The following CEP290 variants were observed in gnomAD, a reference collection of about 807,000 sequenced individuals.
CEP290 encodes centrosomal protein 290.
Under a neutral mutation model 344.9 loss-of-function variants are expected in CEP290, and 317 were observed. The observed-to-expected ratio is 0.92, with a 90% CI of 0.84 to 1.01. The LOEUF (loss-of-function observed/expected upper bound fraction) is 1.01, where lower values mean the gene tolerates loss of function less well. Ranked by LOEUF, CEP290 falls within the 50% of genes least tolerant of loss-of-function variation. The probability of loss-of-function intolerance (pLI) is 0.00; values close to 1 mark genes in which losing one functional copy is unlikely to be tolerated. For synonymous variants in CEP290, 932 were observed against 895.8 expected, an observed-to-expected ratio of 1.04 and a Z score of -0.72; for missense variants, 2,754 against 2,761.4, an observed-to-expected ratio of 1.00 and a Z score of 0.06.
rs2137104806 is a variant in CEP290 at position 88,080,308 on chromosome 12, C to T, written c.5100G>A (p.Glu1700=). 2.5e-6 allele frequency: 4 copies of T among 1,613,702 alleles called. No homozygotes were observed. The highest frequency in any genetic ancestry group is 3.4e-6 in the Non-Finnish European group (4 of 1,179,686). Residue 1700 remains glutamate (E), a synonymous_variant, in exon 38 of 54, where the codon GAG becomes GAA. Coordinates refer to ENST00000552810, the MANE Select transcript of CEP290 (RefSeq NM_025114.4). Reference sequence around the variant, plus strand: ...GAAGTTCAGATTTTAAACACTGTGACTCCTTTTGTGACTGGTCCAGAAGAT... The same window carrying T: ...GAAGTTCAGATTTTAAACACTGTGATTCCTTTTGTGACTGGTCCAGAAGAT... ...LKYLLDQSQK[E]SQCLKSELQA... is the part of the protein sequence containing the mutation.
Position 88,129,742 on chromosome 12 carries a change from A to G in CEP290, c.804T>C (p.Asp268=). ...NRMKAIVHQT[D]NVIDQLKKEN... is the part of the protein sequence containing the mutation. Reference sequence around the variant, plus strand: ...CTTTTTTTAACTGATCTATTACATTATCTGTCTGATGCACAATAGCTTTCA... The same window carrying G: ...CTTTTTTTAACTGATCTATTACATTGTCTGTCTGATGCACAATAGCTTTCA... The change falls in exon 10 of 54, where the codon GAT becomes GAC. Residue 268 remains aspartate (D), a synonymous_variant. Transcript: ENST00000552810. 1 of 1,481,366 alleles carries G rather than the reference A, an allele frequency of 6.8e-7. No individual in the cohort carries two copies. The highest frequency in any genetic ancestry group is 9.1e-7 in the Non-Finnish European group (1 of 1,101,184). 91.8% of individuals were successfully genotyped at this position (1,481,366 alleles called of 1,614,324 possible). A position where few individuals can be genotyped will look rare whatever the true frequency, so the allele number is the denominator to read the frequency against.
intron 35 of CEP290, 122 bp from the exon 36 acceptor site, chr12:88,084,076 A>G (rs1234874653): frequency 4.7e-6 from 3 of 644,842 alleles, no homozygotes; most frequent in Non-Finnish European, 8.0e-6. Flanking sequence ...AAGAAACAGT[A>G]TCTCCATATA....
intron 6 of CEP290, 124 bp from the exon 7 acceptor site, chr12:88,131,342 C>A (rs2040060548): frequency 1.7e-6 from 1 of 588,140 alleles, no homozygotes; most frequent in Admixed American, 4.0e-5. Flanking sequence ...CGGCTCACTG[C>A]AACCTCTGCC....
chr12:88,097,638 C>CACAT (rs1224135682), intron 26 of CEP290, among the ~76,000 whole-genome samples: 5 of 145,754 alleles, frequency 3.4e-5, no homozygotes, highest in African/African-American at 1.0e-4. Flanking sequence ...CACACACACA[C>CACAT]ATATATACAA....
intron 40 of CEP290, 145 bp downstream of exon 40, chr12:88,077,552 G>T: frequency 1.5e-6 from 1 of 671,946 alleles, no homozygotes; most frequent in East Asian, 2.9e-5. Flanking sequence ...AAACACAATA[G>T]AAGTCACAAA....
intron 30 of CEP290, 117 bp from the exon 31 acceptor site, chr12:88,089,604 T>G (rs963220118): frequency 3.1e-6 from 2 of 640,176 alleles, no homozygotes; most frequent in Non-Finnish European, 4.8e-6. Flanking sequence ...GCACATGAGA[T>G]CTACAAAAAT....
intron 22 of CEP290, 132 bp downstream of exon 22, chr12:88,111,070 T>C (rs2137703850): frequency 2.1e-6 from 1 of 472,414 alleles, no homozygotes. Flanking sequence ...AGAAAAGTAC[T>C]ATCTGCATGC....
intron 18 of CEP290, among the ~76,000 whole-genome samples, chr12:88,116,727 C>A (rs1488795133): frequency 2.0e-5 from 3 of 152,116 alleles, no homozygotes; most frequent in Non-Finnish European, 2.9e-5. Context: ...GTAATCCCAG[C>A]ACTTTGGGAG....
intron 51 of CEP290, 37 bp downstream of exon 51, chr12:88,054,303 G>A: frequency 7.2e-7 from 1 of 1,398,046 alleles, no homozygotes; most frequent in Non-Finnish European, 9.8e-7. Context: ...TTTTTTTAAA[G>A]AAAAAAACAA....
intron 1 of CEP290, 51 bp from the exon 2 acceptor site, chr12:88,141,385 G>A: frequency 1.1e-6 from 1 of 902,432 alleles, no homozygotes; most frequent in South Asian, 1.9e-5. Flanking sequence ...CAGTATTATT[G>A]GTTTTCTAGC....
At chr12:88,114,633 C>A in intron 19 of CEP290, 71 bp from the exon 20 acceptor site, 3 of 1,211,736 alleles carry the variant, frequency 2.5e-6, no homozygotes, top group South Asian at 1.7e-5. Flanking sequence ...ATACAGATGA[C>A]AAATATTTCA....
chr12:88,105,346 C>T (rs2038198647), intron 25 of CEP290, among the ~76,000 whole-genome samples: 1 of 152,084 alleles, frequency 6.6e-6, no homozygotes. Context: ...TAATCTGATA[C>T]TTAAAAAAGA....
Position 88,071,397 on chromosome 12 carries a change from T to C in CEP290, c.5908A>G (p.Thr1970Ala). ...LQRKLKTTGM[T>A]VDQVLGIRAL... Reference sequence around the variant, plus strand: ...CGTATTCCCAAAACCTGATCAACAGTCATGCCAGTTGTTTTTAGTTTCCTC... The same window carrying C: ...CGTATTCCCAAAACCTGATCAACAGCCATGCCAGTTGTTTTTAGTTTCCTC... The change falls in exon 43 of 54, where the codon ACT becomes GCT. Residue 1970 changes from threonine (T) to alanine (A), a missense_variant. Physicochemically the swap from Thr to Ala is moderately conservative, Grantham distance 58. Transcript: ENST00000552810. 1.2e-6 allele frequency: 2 copies of C among 1,611,570 alleles called. No homozygotes were observed. The highest frequency in any genetic ancestry group is 1.7e-6 in the Non-Finnish European group (2 of 1,178,642).
At chr12:88,132,805 T>C (rs2040151323) in intron 6 of CEP290, among the ~76,000 whole-genome samples, 1 of 152,176 alleles carries the variant, frequency 6.6e-6, no homozygotes, top group South Asian at 2.1e-4. Flanking sequence ...ATGTGTACAA[T>C]GGTGGCTTGC....
intron 52 of CEP290, 141 bp downstream of exon 52, chr12:88,053,507 CAGAG>C (rs1361227439): frequency 1.7e-6 from 1 of 598,360 alleles, no homozygotes; most frequent in East Asian, 2.8e-5. Flanking sequence ...ATTAATAGCA[CAGAG>C]AGACAAAAGA....
At chr12:88,131,047 G>C in intron 7 of CEP290, 118 bp downstream of exon 7, 1 of 757,208 alleles carries the variant, frequency 1.3e-6, no homozygotes, top group Non-Finnish European at 2.0e-6. Context: ...AAATCAGTCT[G>C]AAAACATCAG....
chr12:88,065,174 C>T (rs1183546828), intron 44 of CEP290, among the ~76,000 whole-genome samples: 2 of 151,822 alleles, frequency 1.3e-5, no homozygotes, highest in African/African-American at 2.4e-5. Flanking sequence ...AATTATTCAG[C>T]ACAACTTTCA....
chr12:88,131,294 G>C, intron 6 of CEP290, 76 bp from the exon 7 acceptor site: 3 of 1,110,622 alleles, frequency 2.7e-6, no homozygotes, highest in South Asian at 1.7e-5. Context: ...TTGAGACAAA[G>C]TCTTTGTCGC....
chr12:88,095,771 G>A (rs752209339), intron 27 of CEP290, among the ~76,000 whole-genome samples: 3 of 152,022 alleles, frequency 2.0e-5, no homozygotes, highest in Non-Finnish European at 4.4e-5. Context: ...ATTATCGAAA[G>A]CAGCAAATTT....
Sources: allele counts gnomAD v4.1 joint callset (sites outside exome capture counted in the v4.1 genomes callset), GRCh38; gene constraint gnomAD v4.1.1; transcripts MANE v1.5; gene names NCBI Gene and HGNC (gene_info 2026-07-23, HGNC 2026-07-21).